EPG5: variants seen among roughly 807,000 people sequenced by gnomAD.
EPG5 encodes ectopic P-granules 5 autophagy tethering factor, also known as ectopic P granules protein 5 homolog.
A neutral mutation model predicts 302.7 loss-of-function variants in EPG5; 159 were observed. The ratio of observed to expected loss-of-function variants is 0.53; its 90% CI spans 0.46 to 0.60. EPG5 has a LOEUF of 0.60. Ranked by LOEUF, EPG5 falls within the 20% of genes least tolerant of loss-of-function variation. EPG5 has a pLI of 0.00. For missense variants in EPG5, 2,896 were observed against 3,092.4 expected (o/e 0.94, Z 1.51); for synonymous variants, 1,158 against 1,136.8 (o/e 1.02, Z -0.37).
chr18:45,838,998 C>G, the EPG5 span: 49 of 1,596,176 alleles, frequency 3.1e-5, 1 homozygote, highest in Non-Finnish European at 4.1e-5. Flanking sequence ...ATGGCGCCAG[C>G]GGGGCCTCGA....
In EPG5 at chr18:45,916,071, T is replaced by C; in HGVS notation, c.3520A>G (p.Lys1174Glu). 6.2e-7 allele frequency: 1 copy of C among 1,614,100 alleles called. No homozygotes were observed. The highest frequency in any genetic ancestry group is 1.3e-5 in the African/African-American group (1 of 75,060). ...TCCTGCATCAGCTGAAAAGCTGCTT[T>C]ACACAAGTGGTCCATGAGGAAGAGG... ...PILFLMDHLC[K>E]AAFQLMQEDC... The change falls in exon 19 of 44, where the codon AAA (lysine) becomes GAA (glutamate). Residue 1174 changes from lysine to glutamate, a missense_variant. Lys to Glu is a moderately conservative substitution (Grantham distance 56). Around this residue, in one of 5 missense-constraint regions of EPG5, gnomAD observed 1,390 missense variants for 1,430.0 expected, o/e 0.97. Transcript: ENST00000282041.
chr18:45,825,195 GGAGGA>G, the EPG5 span, among the ~76,000 whole-genome samples: 1 of 138,414 alleles, frequency 7.2e-6, no homozygotes, highest in South Asian at 2.8e-4. Flanking sequence ...AGGGAGAGAG[GGAGGA>G]AGAGAGGGAT....
At chr18:45,903,849 CT>C in intron 25 of EPG5, 123 bp downstream of exon 25, 1 of 1,004,186 alleles carries the variant, frequency 1.0e-6, no homozygotes, top group Non-Finnish European at 1.4e-6. Context: ...ACTGAAATCT[CT>C]TTTTAAAGCA....
intron 27 of EPG5, 95 bp downstream of exon 27, chr18:45,899,309 T>C (rs1008760099): frequency 1.4e-6 from 2 of 1,382,014 alleles, no homozygotes; most frequent in Non-Finnish European, 2.0e-6. Context: ...ACACAGACAG[T>C]GTGCTATATA....
intron 38 of EPG5, 152 bp downstream of exon 38, chr18:45,866,646 G>C (rs144243004): frequency 1.8e-5 from 12 of 663,268 alleles, no homozygotes; most frequent in Non-Finnish European, 2.9e-5. Context: ...CAACCCAAAA[G>C]ATCTACAAGG....
chr18:45,878,551 T>G, intron 33 of EPG5, 103 bp from the exon 34 acceptor site: 1 of 723,300 alleles, frequency 1.4e-6, no homozygotes, highest in Non-Finnish European at 2.4e-6. Context: ...TGTAGCTTCA[T>G]AAACCTATGT....
chr18:45,936,244 A>C (rs1189025007), intron 10 of EPG5, among the ~76,000 whole-genome samples: 1 of 152,300 alleles, frequency 6.6e-6, no homozygotes, highest in East Asian at 1.9e-4. Context: ...GAGAGCAGAA[A>C]CCATGTCTTG....
chr18:45,823,170 T>C, the EPG5 span, among the ~76,000 whole-genome samples: 2 of 152,020 alleles, frequency 1.3e-5, no homozygotes, highest in African/African-American at 4.8e-5. Flanking sequence ...TTCAATGGGG[T>C]GGGAGTGGTG....
intron 27 of EPG5, among the ~76,000 whole-genome samples, chr18:45,892,703 C>G (rs550531036): frequency 5.9e-5 from 9 of 152,312 alleles, no homozygotes; most frequent in African/African-American, 2.2e-4. Context: ...AAGCATGTCT[C>G]ACTTCCCATA....
At chr18:45,917,312 T>C (rs2050055328) in intron 17 of EPG5, among the ~76,000 whole-genome samples, 2 of 152,346 alleles carry the variant, frequency 1.3e-5, no homozygotes, top group South Asian at 4.1e-4. Flanking sequence ...ATGTGCACTG[T>C]AAACAATTTA....
At chr18:45,950,399 A>C (rs530751092) in intron 4 of EPG5, among the ~76,000 whole-genome samples, 1 of 152,234 alleles carries the variant, frequency 6.6e-6, no homozygotes, top group African/African-American at 2.4e-5. Flanking sequence ...TGCTATTCTC[A>C]TGATAGTGAA....
intron 10 of EPG5, among the ~76,000 whole-genome samples, chr18:45,936,726 A>C (rs2050534180): frequency 6.6e-6 from 1 of 150,966 alleles, no homozygotes; most frequent in Non-Finnish European, 1.5e-5. Context: ...ATTTCAAAAA[A>C]AAAAAAAAAA....
chr18:45,856,798 G>C (rs372592992), intron 42 of EPG5, among the ~76,000 whole-genome samples: 6 of 152,178 alleles, frequency 3.9e-5, no homozygotes, highest in African/African-American at 7.2e-5. Flanking sequence ...CATGATGTAA[G>C]TAAGTATTAT....
At chr18:45,846,121 C>T (rs925150515), downstream of EPG5, among the ~76,000 whole-genome samples, 4 of 152,132 alleles carry the variant, frequency 2.6e-5, no homozygotes, top group African/African-American at 4.8e-5. Context: ...AAGAGTCAAG[C>T]GTCCGGGTTT....
chr18:45,811,504 G>A, the EPG5 span, among the ~76,000 whole-genome samples: 3 of 152,098 alleles, frequency 2.0e-5, no homozygotes, highest in Non-Finnish European at 2.9e-5. Context: ...GAACATTGAT[G>A]CAAAAATCCT....
the EPG5 span, among the ~76,000 whole-genome samples, chr18:45,821,799 T>C: frequency 6.6e-6 from 1 of 152,108 alleles, no homozygotes; most frequent in Non-Finnish European, 1.5e-5. Context: ...GGGCAAATGA[T>C]CTGAACAGAT....
chr18:45,939,928 T>A (rs2050624652), intron 9 of EPG5, among the ~76,000 whole-genome samples, 173 bp from the exon 10 acceptor site: 1 of 152,160 alleles, frequency 6.6e-6, no homozygotes. Context: ...CCTACCTTCA[T>A]GGAGCTTACA....
intron 3 of EPG5, among the ~76,000 whole-genome samples, chr18:45,951,639 A>G (rs2050912046): frequency 6.6e-6 from 1 of 152,022 alleles, no homozygotes; most frequent in Non-Finnish European, 1.5e-5. Context: ...TTGTATTTTT[A>G]GTAGAGAAGG....
chr18:45,862,683 G>A (rs1238312216), intron 39 of EPG5, among the ~76,000 whole-genome samples: 1 of 152,184 alleles, frequency 6.6e-6, no homozygotes, highest in African/African-American at 2.4e-5. Flanking sequence ...TGCCGTGATT[G>A]TAAGCTTCCT....
Sources: allele counts gnomAD v4.1 joint callset (sites outside exome capture counted in the v4.1 genomes callset), GRCh38; gene constraint gnomAD v4.1.1; regional missense constraint gnomAD v4.1.1; transcripts MANE v1.5; gene names NCBI Gene and HGNC (gene_info 2026-07-23, HGNC 2026-07-21).